The following PDZD2 variants were observed in gnomAD, a reference collection of about 807,000 sequenced individuals.
PDZD2 encodes the protein PDZ domain-containing protein 2.
PDZD2 carries 90 observed loss-of-function variants against 220.7 expected under a neutral mutation model. The observed-to-expected ratio is 0.41, with a 90% CI of 0.34 to 0.49. The LOEUF (loss-of-function observed/expected upper bound fraction) is 0.49, where lower values mean the gene tolerates loss of function less well. Among genes scored for constraint, PDZD2 ranks in the 20% least tolerant of loss-of-function variants. PDZD2 has a pLI of 0.28. For missense variants in PDZD2, 3,174 were observed against 3,608.5 expected (o/e 0.88, Z 3.08); for synonymous variants, 1,375 against 1,450.5 (o/e 0.95, Z 1.18).
In PDZD2 at chr5:32,087,632, C is replaced by T. The variant is rs757354710; in HGVS notation, c.4184C>T (p.Ser1395Phe). 1.9e-6 allele frequency: 3 copies of T among 1,614,090 alleles called. No individual in the cohort carries two copies. The highest frequency in any genetic ancestry group is 2.5e-6 in the Non-Finnish European group (3 of 1,180,030). ...TCAAGGGCACCGCAGGCCAGCCTCT[C>T]CATGCTGCCATCCACTGACAACACC... ...VSSRAPQASL[S>F]MLPSTDNTKE... is the part of the protein sequence containing the mutation. The change falls in exon 20 of 25, where the codon TCC becomes TTC. Residue 1395 changes from serine to phenylalanine, a missense_variant. Physicochemically the swap from Ser to Phe is radical, Grantham distance 155 (BLOSUM62 -2). Coordinates refer to ENST00000438447, the MANE Select transcript of PDZD2 (RefSeq NM_178140.4). The surrounding 1 kb of genome is among the most constrained non-coding windows in gnomAD (Gnocchi z 4.0).
intron 1 of PDZD2, among the ~76,000 whole-genome samples, chr5:31,689,710 G>T (rs1747043890): frequency 6.6e-6 from 1 of 151,954 alleles, no homozygotes; most frequent in Non-Finnish European, 1.5e-5. Flanking sequence ...TCTCTTCTCT[G>T]TTCCCAAAGA....
chr5:32,020,654 C>CTT (rs571535958), intron 6 of PDZD2, among the ~76,000 whole-genome samples: 129 of 133,128 alleles, frequency 9.7e-4, no homozygotes, highest in African/African-American at 2.3e-3. Flanking sequence ...TTTTTTTTTT[C>CTT]TTTTTTTTTT....
intron 2 of PDZD2, among the ~76,000 whole-genome samples, chr5:31,913,362 T>C (rs540463486): frequency 2.6e-5 from 4 of 150,954 alleles, no homozygotes; most frequent in African/African-American, 9.7e-5. Context: ...AAAAGAATAG[T>C]ATCAAAGGGA....
chr5:31,958,723 CA>C (rs1747952007), intron 2 of PDZD2, among the ~76,000 whole-genome samples: 1 of 151,510 alleles, frequency 6.6e-6, no homozygotes, highest in East Asian at 1.9e-4. Flanking sequence ...TAGGCTCAAG[CA>C]ATCCTCCCAC....
At chr5:32,038,539 TAAC>T (rs2112229790) in intron 7 of PDZD2, among the ~76,000 whole-genome samples, 1 of 151,960 alleles carries the variant, frequency 6.6e-6, no homozygotes, top group Non-Finnish European at 1.5e-5. Context: ...CCTCTCAAAA[TAAC>T]AAAAAACAAA....
chr5:31,649,437 TC>T (rs1173292047), intron 1 of PDZD2, among the ~76,000 whole-genome samples: 1 of 151,714 alleles, frequency 6.6e-6, no homozygotes, highest in Non-Finnish European at 1.5e-5. Context: ...GAACATATGA[TC>T]TAACAGGAAA....
chr5:31,844,086 T>C (rs1483275931), intron 2 of PDZD2: 1 of 152,032 alleles, frequency 6.6e-6, no homozygotes, highest in African/African-American at 2.4e-5. Flanking sequence ...TTTGGAAGAA[T>C]TGAGGGAGCT....
chr5:31,683,446 G>T (rs11954379), intron 1 of PDZD2, among the ~76,000 whole-genome samples: 2,099 of 152,116 alleles, frequency 0.014, 49 homozygotes, highest in African/African-American at 0.048. Flanking sequence ...GTCCCTACTG[G>T]TTTTTTTAAA....
intron 1 of PDZD2, among the ~76,000 whole-genome samples, chr5:31,688,707 G>A (rs1002373972): frequency 2.6e-5 from 4 of 152,172 alleles, no homozygotes; most frequent in Admixed American, 1.3e-4. Context: ...CCTTGGAGGT[G>A]CTGATTACCT....
chr5:31,974,088 C>T (rs1255712085), intron 2 of PDZD2, among the ~76,000 whole-genome samples: 2 of 152,222 alleles, frequency 1.3e-5, no homozygotes, highest in African/African-American at 2.4e-5. Context: ...TCAAGCAATT[C>T]TCCTGTTTCA....
intron 1 of PDZD2, among the ~76,000 whole-genome samples, chr5:31,732,268 G>GGA (rs1749579504): frequency 6.6e-6 from 1 of 152,186 alleles, no homozygotes; most frequent in Non-Finnish European, 1.5e-5. Context: ...AGTGTGGAGA[G>GGA]GTGGGGTAAG....
intron 13 of PDZD2, among the ~76,000 whole-genome samples, chr5:32,060,426 T>C (rs1193641668): frequency 6.6e-6 from 1 of 152,220 alleles, no homozygotes; most frequent in Non-Finnish European, 1.5e-5. Flanking sequence ...TTTGTTCAAA[T>C]TTGAAACGTT....
At chr5:32,053,738 C>T (rs1320655582) in intron 9 of PDZD2, 31 bp from the exon 10 acceptor site, 2 of 1,206,120 alleles carry the variant, frequency 1.7e-6, no homozygotes, top group South Asian at 1.2e-5. Flanking sequence ...ACCACACTGT[C>T]AACCTGGACT....
chr5:31,757,824 A>G (rs74974222), intron 1 of PDZD2, among the ~76,000 whole-genome samples: 2,534 of 152,282 alleles, frequency 0.017, 69 homozygotes, highest in African/African-American at 0.056. Flanking sequence ...CTGTGAGGTC[A>G]ACACCAACTC....
At chr5:31,857,455 G>A (rs1028087488) in intron 2 of PDZD2, among the ~76,000 whole-genome samples, 3 of 152,172 alleles carry the variant, frequency 2.0e-5, no homozygotes, top group African/African-American at 7.2e-5. Context: ...AAGAGGACAT[G>A]GGAGGCAAGT....
intron 2 of PDZD2, among the ~76,000 whole-genome samples, chr5:31,915,115 G>A (rs1263706962): frequency 6.6e-6 from 1 of 152,136 alleles, no homozygotes; most frequent in Non-Finnish European, 1.5e-5. Context: ...AGTATGTTGG[G>A]TGTTTCCAGA....
chr5:32,090,036 G>A lies in PDZD2; in HGVS notation c.6588G>A (p.Gly2196=). 6.2e-7 allele frequency: 1 copy of A among 1,612,008 alleles called. No individual in the cohort carries two copies. The highest frequency in any genetic ancestry group is 1.3e-5 in the African/African-American group (1 of 74,992). Reference sequence around the variant, plus strand: ...CAAGCCTGATGTCAGACTCCCGAGGGGTGCCCAGAAACAGCATTCCAGGGG... The same window carrying A: ...CAAGCCTGATGTCAGACTCCCGAGGAGTGCCCAGAAACAGCATTCCAGGGG... The part of the protein sequence containing the change: ...GKSSLMSDSR[G]VPRNSIPGGP... Residue 2196 remains glycine, a synonymous_variant, in exon 20 of 25, where the codon GGG becomes GGA. Coordinates refer to ENST00000438447, the MANE Select transcript of PDZD2 (RefSeq NM_178140.4). The surrounding 1 kb of genome is among the most constrained non-coding windows in gnomAD (Gnocchi z 4.3).
At chr5:31,829,716 C>A (rs1476322454) in intron 2 of PDZD2, among the ~76,000 whole-genome samples, 1 of 152,062 alleles carries the variant, frequency 6.6e-6, no homozygotes, top group Admixed American at 6.6e-5. Flanking sequence ...AGTTACTAAC[C>A]CCCCTTTACC....
chr5:31,926,013 G>A lies in PDZD2; in HGVS notation c.477-57142G>A, dbSNP rs1007678761. On this transcript the variant is annotated intron_variant, in intron 2 of 24. Transcript: ENST00000438447. ...GTGGGAGGATCATTTGAGGCCAAGA[G>A]TTCAAGACCAGCCTAGGAAACGCAT... Among the ~76,000 whole-genome samples the A allele has an allele frequency of 3.3e-5, 5 of 152,062 alleles. No homozygotes were observed. In the East Asian group the frequency reaches 5.8e-4, roughly 18 times the overall value.
Sources: allele counts gnomAD v4.1 joint callset (sites outside exome capture counted in the v4.1 genomes callset), GRCh38; gene constraint gnomAD v4.1.1; non-coding constraint Gnocchi (gnomAD v3.1); transcripts MANE v1.5; gene names NCBI Gene and HGNC (gene_info 2026-07-23, HGNC 2026-07-21).